MAP2K4: variants seen among roughly 807,000 people sequenced by gnomAD.
MAP2K4 encodes the protein dual specificity mitogen-activated protein kinase kinase 4.
Under a neutral mutation model 48.5 loss-of-function variants are expected in MAP2K4, and 4 were observed. The observed-to-expected ratio is 0.08, with a 90% CI of 0.04 to 0.19. The LOEUF (loss-of-function observed/expected upper bound fraction) is 0.19. MAP2K4 is among the 10% of genes least tolerant of loss of function. MAP2K4 has a pLI of 1.00. For synonymous variants in MAP2K4, 166 were observed against 173.1 expected (o/e 0.96, Z 0.32); for missense variants, 258 against 493.3 (o/e 0.52, Z 4.52).
At chr17:12,118,955 A>G (rs368391134) in intron 7 of MAP2K4, among the ~76,000 whole-genome samples, 7 of 152,212 alleles carry the variant, frequency 4.6e-5, no homozygotes, top group African/African-American at 1.2e-4. Context: ...ACCTCCTTTT[A>G]TATGCAAAAA....
At chr17:12,025,040 A>G (rs1477096933) in intron 1 of MAP2K4, among the ~76,000 whole-genome samples, 1 of 152,246 alleles carries the variant, frequency 6.6e-6, no homozygotes, top group Non-Finnish European at 1.5e-5. Context: ...AACAGCTTCT[A>G]TAATGAAATT....
chr17:12,026,656 G>T (rs1468854045), intron 1 of MAP2K4, among the ~76,000 whole-genome samples: 1 of 152,210 alleles, frequency 6.6e-6, no homozygotes, highest in Non-Finnish European at 1.5e-5. Flanking sequence ...CTACTGCATG[G>T]TTCTCTGAGC....
At chr17:12,038,537 T>C (rs1284193108) in intron 1 of MAP2K4, among the ~76,000 whole-genome samples, 1 of 152,114 alleles carries the variant, frequency 6.6e-6, no homozygotes, top group Admixed American at 6.5e-5. Flanking sequence ...GATAAAGATA[T>C]TACCAATGAT....
intron 1 of MAP2K4, among the ~76,000 whole-genome samples, chr17:12,023,653 A>T (rs1319818835): frequency 6.6e-6 from 1 of 152,162 alleles, no homozygotes; most frequent in African/African-American, 2.4e-5. Context: ...ATAACCTTGA[A>T]TACTTTTTCA....
chr17:12,091,550 A>G (rs954008365), intron 3 of MAP2K4, among the ~76,000 whole-genome samples: 1 of 152,164 alleles, frequency 6.6e-6, no homozygotes, highest in African/African-American at 2.4e-5. Flanking sequence ...TAGAAAAAAT[A>G]CGCTTTTTGG....
chr17:12,074,520 T>G (rs1970930463), intron 2 of MAP2K4, among the ~76,000 whole-genome samples: 1 of 152,216 alleles, frequency 6.6e-6, no homozygotes, highest in African/African-American at 2.4e-5. Context: ...TCAGGAAGCT[T>G]TCCACTCCAG....
At chr17:12,044,888 C>A (rs978932219) in intron 1 of MAP2K4, among the ~76,000 whole-genome samples, 2 of 152,244 alleles carry the variant, frequency 1.3e-5, no homozygotes, top group Admixed American at 6.5e-5. Flanking sequence ...CAGCCCTCAT[C>A]CTGAAGCTAG....
At chr17:12,102,799 T>G (rs567436277) in intron 4 of MAP2K4, among the ~76,000 whole-genome samples, 1 of 152,160 alleles carries the variant, frequency 6.6e-6, no homozygotes, top group Non-Finnish European at 1.5e-5. Flanking sequence ...ATTATCAAAT[T>G]TATTGGAATA....
At chr17:12,136,821 G>A (rs888008679) in intron 9 of MAP2K4, among the ~76,000 whole-genome samples, 2 of 152,132 alleles carry the variant, frequency 1.3e-5, no homozygotes, top group African/African-American at 2.4e-5. Flanking sequence ...AAACCTCTGT[G>A]TGGGTGAAAA....
chr17:12,139,803 C>T (rs1003922222), intron 9 of MAP2K4, 36 bp from the exon 10 acceptor site: 2 of 1,415,024 alleles, frequency 1.4e-6, no homozygotes, highest in Admixed American at 1.8e-5. Flanking sequence ...GCAAATGAAT[C>T]TACATTTTAA....
At chr17:12,141,056 C>T in intron 10 of MAP2K4, 91 bp from the exon 11 acceptor site, 1 of 757,820 alleles carries the variant, frequency 1.3e-6, no homozygotes, top group Non-Finnish European at 2.4e-6. Context: ...TGGTTGGGAG[C>T]CTGGAGTTCT....
chr17:12,078,634 A>T (rs1377651001), intron 2 of MAP2K4, among the ~76,000 whole-genome samples: 2 of 152,178 alleles, frequency 1.3e-5, no homozygotes, highest in East Asian at 3.8e-4. Flanking sequence ...AATTGTAGGC[A>T]AATATTTATG....
intron 10 of MAP2K4, 66 bp from the exon 11 acceptor site, chr17:12,141,081 T>TCG (rs1490800977): frequency 7.4e-6 from 7 of 943,062 alleles, no homozygotes; most frequent in Non-Finnish European, 1.2e-5. Flanking sequence ...TCTATAGAAA[T>TCG]TGGAAAATGT....
At chr17:12,091,829 A>G (rs1433496491) in intron 3 of MAP2K4, among the ~76,000 whole-genome samples, 1 of 152,196 alleles carries the variant, frequency 6.6e-6, no homozygotes, top group East Asian at 1.9e-4. Context: ...CTACTTATAT[A>G]TGTAGAGTAG....
At chr17:12,061,890 C>A (rs1240642275) in intron 2 of MAP2K4, among the ~76,000 whole-genome samples, 1 of 146,844 alleles carries the variant, frequency 6.8e-6, no homozygotes, top group East Asian at 2.0e-4. Context: ...TAACTTTTTT[C>A]AGTGTGTTTT....
intron 1 of MAP2K4, among the ~76,000 whole-genome samples, chr17:12,025,712 G>A (rs4792213): frequency 0.092 from 13,992 of 152,126 alleles, 967 homozygotes; most frequent in East Asian, 0.29. Flanking sequence ...GCTTGATTCT[G>A]CTTTAGAAAA....
intron 9 of MAP2K4, among the ~76,000 whole-genome samples, chr17:12,136,827 G>A (rs994746376): frequency 1.3e-5 from 2 of 152,096 alleles, no homozygotes; most frequent in African/African-American, 2.4e-5. Flanking sequence ...CTGTGTGGGT[G>A]AAAAAATGCA....
intron 7 of MAP2K4, among the ~76,000 whole-genome samples, chr17:12,116,483 T>G (rs1972496967): frequency 6.6e-6 from 1 of 152,202 alleles, no homozygotes; most frequent in South Asian, 2.1e-4. Flanking sequence ...CTTTATACAC[T>G]TTTTAATTAA....
intron 7 of MAP2K4, among the ~76,000 whole-genome samples, 190 bp downstream of exon 7, chr17:12,113,550 C>T (rs967110221): frequency 4.6e-5 from 7 of 152,214 alleles, no homozygotes; most frequent in African/African-American, 1.7e-4. Context: ...CTCCTGTTTT[C>T]ATTGTCTTGC....
Sources: allele counts gnomAD v4.1 joint callset (sites outside exome capture counted in the v4.1 genomes callset), GRCh38; gene constraint gnomAD v4.1.1; transcripts MANE v1.5; gene names NCBI Gene and HGNC (gene_info 2026-07-23, HGNC 2026-07-21).